ABCA13: variants seen among roughly 807,000 people sequenced by gnomAD.
ABCA13 encodes ATP binding cassette subfamily A member 13, also known as ATP-binding cassette sub-family A member 13.
Under a neutral mutation model 478.7 loss-of-function variants are expected in ABCA13, and 476 were observed. That is an observed-to-expected ratio of 0.99 (90% CI 0.92 to 1.07). The LOEUF (loss-of-function observed/expected upper bound fraction) is 1.07. Ranked by LOEUF, ABCA13 falls within the 50% of genes least tolerant of loss-of-function variation. The probability of loss-of-function intolerance (pLI) is 0.00; values close to 1 mark genes in which losing one functional copy is unlikely to be tolerated. For synonymous variants in ABCA13, 2,252 were observed against 2,158.9 expected, an observed-to-expected ratio of 1.04 and a Z score of -1.20; for missense variants, 6,060 against 5,910.6, an observed-to-expected ratio of 1.03 and a Z score of -0.83.
intron 55 of ABCA13, among the ~76,000 whole-genome samples, chr7:48,566,454 TAATATC>T (rs772328767): frequency 2.6e-5 from 4 of 152,178 alleles, no homozygotes; most frequent in Non-Finnish European, 5.9e-5. Context: ...CATTTTCTAA[TAATATC>T]AATATGATTG....
At chr7:48,561,126 T>C (rs574837400) in intron 55 of ABCA13, among the ~76,000 whole-genome samples, 1 of 152,268 alleles carries the variant, frequency 6.6e-6, no homozygotes, top group African/African-American at 2.4e-5. Flanking sequence ...TTATTCATTT[T>C]CTTTATTTAT....
chr7:48,319,169 G>A (rs902256399), intron 27 of ABCA13, among the ~76,000 whole-genome samples: 1 of 152,150 alleles, frequency 6.6e-6, no homozygotes, highest in Non-Finnish European at 1.5e-5. Context: ...ACAGAGGTGT[G>A]GGGAGGTGCC....
Position 48,436,827 on chromosome 7 carries a change from G to GT in ABCA13, c.12565+8966dup, listed in dbSNP as rs35563306. The stretch of plus-strand genomic sequence containing the variant: ...TTTCCACATATTTGTGAATTTTTCT[G>GT]TTTTTTTTTTCTGTTGTTGATTTCT... On this transcript the variant is annotated intron_variant, in intron 42 of 61. Coordinates refer to ENST00000435803, the MANE Select transcript of ABCA13 (RefSeq NM_152701.5). 5.5e-4 allele frequency among the ~76,000 whole-genome samples: 80 copies of GT among 146,668 alleles called. 1 individual carries two copies. Among genetic ancestry groups the GT allele is most frequent in the South Asian group, 5.0e-3 (23 of 4,634 alleles).
chr7:48,217,228 A>G (rs1786619631), intron 3 of ABCA13, among the ~76,000 whole-genome samples: 1 of 152,220 alleles, frequency 6.6e-6, no homozygotes, highest in African/African-American at 2.4e-5. Context: ...GCTCAGATGA[A>G]TGGGAGCAGT....
At chr7:48,519,926 G>C in intron 52 of ABCA13, 115 bp from the exon 53 acceptor site, 1 of 1,065,138 alleles carries the variant, frequency 9.4e-7, no homozygotes, top group Admixed American at 3.0e-5. Flanking sequence ...GAATAGTTGG[G>C]ATAGGGAAGA....
intron 55 of ABCA13, among the ~76,000 whole-genome samples, chr7:48,570,319 CTTTTTTT>C (rs35693419): frequency 4.5e-5 from 4 of 88,214 alleles, no homozygotes; most frequent in African/African-American, 1.0e-4. Flanking sequence ...TTTGCATCCT[CTTTTTTT>C]TTTTTTTTTT....
chr7:48,278,792 C>T lies in ABCA13; in HGVS notation c.7598C>T (p.Ser2533Leu), dbSNP rs201514854. The T allele has an allele frequency of 4.7e-5, 76 of 1,613,838 alleles. No individual in the cohort carries two copies. The highest frequency in any genetic ancestry group is 1.2e-4 in the South Asian group (11 of 91,064). The change falls in exon 18 of 62, where the codon TCG becomes TTG. Residue 2533 changes from serine to leucine, a missense_variant. This residue lies in a region of ABCA13 where 4,423 missense variants were observed against 4,309.1 expected (regional missense o/e 1.03). Coordinates refer to ENST00000435803, the MANE Select transcript of ABCA13 (RefSeq NM_152701.5). ...VKLLKLVKKVSGKMSTVFKTH... is the reference protein window; with the variant it reads ...VKLLKLVKKVLGKMSTVFKTH... Reference sequence around the variant, plus strand: ...CTTCTTAAGCTGGTCAAGAAAGTTTCGGGGAAGATGTCCACAGTTTTTAAA... The same window carrying T: ...CTTCTTAAGCTGGTCAAGAAAGTTTTGGGGAAGATGTCCACAGTTTTTAAA...
intron 57 of ABCA13, among the ~76,000 whole-genome samples, chr7:48,590,980 C>G (rs112847625): frequency 3.3e-5 from 5 of 151,916 alleles, no homozygotes; most frequent in South Asian, 4.1e-4. Flanking sequence ...TTGAAATAGT[C>G]CCACTTTATG....
chr7:48,326,113 G>A (rs540028685), intron 27 of ABCA13, among the ~76,000 whole-genome samples: 9 of 152,330 alleles, frequency 5.9e-5, no homozygotes, highest in Non-Finnish European at 1.0e-4. Context: ...CTGGTTATGC[G>A]CATTGCAGGA....
At chr7:48,626,414 T>C (rs1473419767) in intron 59 of ABCA13, among the ~76,000 whole-genome samples, 1 of 152,046 alleles carries the variant, frequency 6.6e-6, no homozygotes, top group African/African-American at 2.4e-5. Flanking sequence ...ATGTTTGAAA[T>C]AGCTTGATGG....
At chr7:48,282,372 C>T (rs1797166189) in intron 19 of ABCA13, among the ~76,000 whole-genome samples, 1 of 152,190 alleles carries the variant, frequency 6.6e-6, no homozygotes, top group Non-Finnish European at 1.5e-5. Context: ...TCCTCTGGCC[C>T]AGTCTCCTGA....
At position 48,376,473 on chromosome 7, in the gene ABCA13, G is replaced by C. The variant is rs1813501814; in HGVS notation, c.11236G>C (p.Glu3746Gln). The C allele has an allele frequency of 6.2e-7, 1 of 1,613,706 alleles. No homozygotes were observed. The highest frequency in any genetic ancestry group is 1.3e-5 in the African/African-American group (1 of 74,888). The stretch of plus-strand genomic sequence containing the variant: ...ATGGAATAATATGTACCAGGCTCTG[G>C]AACAAGGGGGCATGACATTTGGCTG... Reference protein sequence around the residue: ...IQWNNMYQALEQGGMTFGWVC... With the variant: ...IQWNNMYQALQQGGMTFGWVC... Residue 3746 changes from glutamate to glutamine, a missense_variant, in exon 35 of 62, where the codon GAA becomes CAA. Coordinates refer to ENST00000435803, the MANE Select transcript of ABCA13 (RefSeq NM_152701.5).
At position 48,274,699 on chromosome 7, in the gene ABCA13, T is replaced by C. The variant is rs1796065026; in HGVS notation, c.5033T>C (p.Leu1678Ser). The change falls in exon 17 of 62, where the codon TTA (leucine) becomes TCA (serine). Residue 1678 changes from leucine to serine, a missense_variant. This residue lies in a region of ABCA13 where 4,423 missense variants were observed against 4,309.1 expected (regional missense o/e 1.03). Transcript: ENST00000435803. ...CTTAAGAAGGCAGACATAGACCTTT[T>C]AGTGGATCAGCTTGAACAAGTTAGT... ...RTLKKADIDL[L>S]VDQLEQVSVN... 3 of 1,613,984 alleles carry C rather than the reference T, an allele frequency of 1.9e-6. No homozygotes were observed. Among genetic ancestry groups the C allele is most frequent in the South Asian group, 1.1e-5 (1 of 91,080 alleles).
chr7:48,204,111 CTTT>C (rs34262924), intron 3 of ABCA13, among the ~76,000 whole-genome samples: 2 of 137,830 alleles, frequency 1.5e-5, no homozygotes, highest in Non-Finnish European at 3.1e-5. Context: ...TCTTGACACT[CTTT>C]TTTTTTTTTT....
At position 48,227,284 on chromosome 7, in the gene ABCA13, A is replaced by C. The variant is rs780833002; in HGVS notation, c.491A>C (p.Glu164Ala). The C allele has an allele frequency of 1.2e-5, 19 of 1,613,644 alleles. No homozygotes were observed. The highest frequency in any genetic ancestry group is 1.4e-5 in the Non-Finnish European group (17 of 1,179,828). Residue 164 changes from glutamate (E) to alanine (A), a missense_variant, in exon 6 of 62, where the codon GAG (glutamate) becomes GCG (alanine). Glu to Ala is a moderately radical substitution (Grantham distance 107). Transcript: ENST00000435803. The stretch of plus-strand genomic sequence containing the variant: ...CAGATGGATCTCAATAAGACCGAGG[A>C]GGTAATATTGAAACTGGAAAGCCTC... ...FFTMDLNKTE[E>A]VILKLESLHQ...
At position 48,516,763 on chromosome 7, in the gene ABCA13, T is replaced by C. The variant is rs1237360470; in HGVS notation, c.13679T>C (p.Ile4560Thr). ...TLPWMYLMSR[I>T]FSSSDVAFIS... ...CCATGGATGTACCTGATGTCCAGAA[T>C]CTTTTCCAGTTCGGACGTGGCTTTC... Residue 4560 changes from isoleucine (I) to threonine (T), a missense_variant, in exon 52 of 62, where the codon ATC (isoleucine) becomes ACC (threonine). Coordinates refer to ENST00000435803, the MANE Select transcript of ABCA13 (RefSeq NM_152701.5). 1.2e-6 allele frequency: 2 copies of C among 1,613,744 alleles called. No homozygotes were observed. Among genetic ancestry groups the C allele is most frequent in the Non-Finnish European group, 1.7e-6 (2 of 1,179,770 alleles).
intron 59 of ABCA13, among the ~76,000 whole-genome samples, chr7:48,637,417 A>T (rs1794758618): frequency 6.7e-6 from 1 of 149,978 alleles, no homozygotes; most frequent in Admixed American, 6.6e-5. Flanking sequence ...CAGAGAGAGA[A>T]AGAAAAGAAA....
intron 55 of ABCA13, 99 bp downstream of exon 55, chr7:48,528,444 C>T: frequency 1.2e-6 from 1 of 820,980 alleles, no homozygotes. Flanking sequence ...AATTTGAAAA[C>T]ATCATTTTCC....
chr7:48,594,961 T>C (rs1054591235), intron 58 of ABCA13, 148 bp downstream of exon 58: 5 of 708,312 alleles, frequency 7.1e-6, no homozygotes. Context: ...TAGCCCTCAT[T>C]GTATAAATTG....
Sources: allele counts gnomAD v4.1 joint callset (sites outside exome capture counted in the v4.1 genomes callset), GRCh38; gene constraint gnomAD v4.1.1; regional missense constraint gnomAD v4.1.1; transcripts MANE v1.5; gene names NCBI Gene and HGNC (gene_info 2026-07-23, HGNC 2026-07-21).